Variants in SRGAP3 observed in about 807,000 individuals in gnomAD.
SRGAP3 encodes SLIT-ROBO Rho GTPase activating protein 3.
In SRGAP3, 39 loss-of-function variants were observed where a neutral mutation model predicts 121.1. That is an observed-to-expected ratio of 0.32 (90% CI 0.25 to 0.42). The LOEUF is 0.42. SRGAP3 is among the 10% of genes least tolerant of loss of function. The pLI is 1.00. For missense variants in SRGAP3, 1,213 were observed against 1,470.6 expected (o/e 0.82, Z 2.86); for synonymous variants, 601 against 570.0 (o/e 1.05, Z -0.77).
intron 17 of SRGAP3, among the ~76,000 whole-genome samples, chr3:9,011,224 T>C (rs1333293105): frequency 2.0e-5 from 3 of 152,100 alleles, no homozygotes; most frequent in Non-Finnish European, 2.9e-5. Context: ...CAAGTTATGT[T>C]ATGTAGTGTT....
intron 11 of SRGAP3, among the ~76,000 whole-genome samples, chr3:9,032,995 C>G (rs146126083): frequency 1.1e-3 from 167 of 152,206 alleles, no homozygotes; most frequent in African/African-American, 3.7e-3. Flanking sequence ...CATTCTAAAT[C>G]TTAGGGGGAA....
chr3:9,195,961 A>T (rs1016809632), intron 1 of SRGAP3, among the ~76,000 whole-genome samples: 1 of 152,160 alleles, frequency 6.6e-6, no homozygotes, highest in African/African-American at 2.4e-5. Context: ...GTCTCCAAAA[A>T]AAACAACAAA....
chr3:8,989,938 A>C (rs1338631003), intron 21 of SRGAP3, among the ~76,000 whole-genome samples: 2 of 152,188 alleles, frequency 1.3e-5, no homozygotes, highest in Non-Finnish European at 2.9e-5. Flanking sequence ...CTCACATTTT[A>C]GGCTCTCAAA....
intron 1 of SRGAP3, among the ~76,000 whole-genome samples, chr3:9,207,669 T>C (rs542519043): frequency 6.6e-6 from 1 of 152,272 alleles, no homozygotes; most frequent in South Asian, 2.1e-4. Context: ...GGGGAAGCAC[T>C]GAAGCTGAGG....
intron 1 of SRGAP3, among the ~76,000 whole-genome samples, chr3:9,225,939 C>A (rs1022895431): frequency 6.6e-6 from 1 of 152,156 alleles, no homozygotes; most frequent in Admixed American, 6.5e-5. Flanking sequence ...TATACAAAAT[C>A]TCCTCATTTT....
intron 1 of SRGAP3, among the ~76,000 whole-genome samples, chr3:9,347,542 T>C (rs562937047): frequency 6.6e-6 from 1 of 152,284 alleles, no homozygotes; most frequent in East Asian, 1.9e-4. Flanking sequence ...TTAACACTGC[T>C]CTGTGCTCGG....
chr3:9,154,184 G>A (rs984592821), intron 1 of SRGAP3, among the ~76,000 whole-genome samples: 2 of 152,056 alleles, frequency 1.3e-5, no homozygotes, highest in African/African-American at 4.8e-5. Flanking sequence ...GTAGCTCCTT[G>A]GGAAGCATCC....
intron 1 of SRGAP3, among the ~76,000 whole-genome samples, chr3:9,205,825 A>G (rs745447107): frequency 1.3e-5 from 2 of 152,244 alleles, no homozygotes; most frequent in Non-Finnish European, 1.5e-5. Context: ...GACACATTCT[A>G]TAACGTGGAT....
chr3:9,342,249 G>A (rs1050663481), intron 1 of SRGAP3, among the ~76,000 whole-genome samples: 5 of 151,988 alleles, frequency 3.3e-5, no homozygotes, highest in Non-Finnish European at 7.4e-5. Context: ...TAATCGGGAG[G>A]CTGAGGCAGA....
At chr3:9,251,567 T>A (rs1300223108), upstream of SRGAP3, among the ~76,000 whole-genome samples, 2 of 152,216 alleles carry the variant, frequency 1.3e-5, no homozygotes, top group Non-Finnish European at 2.9e-5. Context: ...CTTGAGCTCA[T>A]GAGAACTTGA....
At chr3:9,064,272 T>C in intron 5 of SRGAP3, 124 bp downstream of exon 5, 1 of 1,336,530 alleles carries the variant, frequency 7.5e-7, no homozygotes, top group Non-Finnish European at 1.0e-6. Context: ...CCATCCCCCC[T>C]ACCCACCACC....
intron 3 of SRGAP3, among the ~76,000 whole-genome samples, chr3:9,304,706 G>A (rs1189434948): frequency 6.6e-6 from 1 of 152,104 alleles, no homozygotes; most frequent in East Asian, 1.9e-4. Flanking sequence ...CCAAAACCAG[G>A]AGTTTCTTCC....
chr3:9,255,226 T>C (rs1163929935), intron 3 of SRGAP3, among the ~76,000 whole-genome samples: 1 of 152,018 alleles, frequency 6.6e-6, no homozygotes, highest in Non-Finnish European at 1.5e-5. Flanking sequence ...AACCACCCAG[T>C]AGAAAAGTCA....
chr3:9,046,640 T>C (rs1338799502), intron 10 of SRGAP3, among the ~76,000 whole-genome samples: 3 of 152,130 alleles, frequency 2.0e-5, no homozygotes, highest in African/African-American at 7.2e-5. Context: ...ATTTTCCTTC[T>C]CTGGACCTAG....
rs765160186 is a variant in SRGAP3, at chr3:8,990,566, G to A, written c.2832C>T (p.Thr944=). ...GHSMRSTCGS[T]RHSSLGDHKS... ...TGTGGTCCCCTAGGCTGCTGTGCCT[G>A]GTGGAACCGCAGGTCGACCTCATCG... The change falls in exon 21 of 22, where the codon ACC becomes ACT. Residue 944 remains threonine (T), a synonymous_variant. Coordinates refer to ENST00000383836, the MANE Select transcript of SRGAP3 (RefSeq NM_014850.4). The A allele has an allele frequency of 1.3e-6, 2 of 1,585,450 alleles. No individual in the cohort carries two copies. The highest frequency in any genetic ancestry group is 2.3e-5 in the South Asian group (2 of 87,058).
chr3:9,300,041 T>C (rs118120839), intron 3 of SRGAP3, among the ~76,000 whole-genome samples: 2,693 of 150,808 alleles, frequency 0.018, 44 homozygotes, highest in South Asian at 0.084. Context: ...GAGGTAATGA[T>C]AGCACCTTCC....
intron 3 of SRGAP3, among the ~76,000 whole-genome samples, chr3:9,104,114 T>C (rs1283138278): frequency 1.3e-5 from 2 of 152,238 alleles, no homozygotes; most frequent in African/African-American, 2.4e-5. Flanking sequence ...TGTGTAATCA[T>C]TCAAAATGTT....
intron 14 of SRGAP3, among the ~76,000 whole-genome samples, chr3:9,017,351 T>C (rs927478236): frequency 3.3e-5 from 5 of 152,216 alleles, no homozygotes; most frequent in African/African-American, 1.2e-4. Context: ...CTGAATAATA[T>C]TAGTAATAAT....
rs372441689 is a variant in SRGAP3, at chr3:9,064,446, G to T, written c.622C>A (p.Arg208=). Residue 208 remains arginine, a synonymous_variant, in exon 5 of 22, where the codon CGG becomes AGG. Transcript: ENST00000383836. The stretch of plus-strand genomic sequence containing the variant: ...TTCACAGAGCTGCGGCGCTGGGGCC[G>T]GTCCTCGTGCCGGAGCAGGTTCATG... ...LSMNLLRHED[R]PQRRSSVKKI... 6.2e-7 allele frequency: 1 copy of T among 1,614,102 alleles called. No individual in the cohort carries two copies. Among genetic ancestry groups the T allele is most frequent in the Non-Finnish European group, 8.5e-7 (1 of 1,180,048 alleles).
Sources: gnomAD v4.1 joint callset for allele counts (sites outside exome capture counted in the v4.1 genomes callset) on GRCh38, gnomAD v4.1.1 for gene constraint, MANE v1.5 for transcripts, NCBI Gene and HGNC (gene_info 2026-07-23, HGNC 2026-07-21) for gene names.